The following ELMO1 variants were observed in gnomAD, a reference collection of about 807,000 sequenced individuals.
The protein encoded by ELMO1 is engulfment and cell motility protein 1.
ELMO1 carries 26 observed loss-of-function variants against 98.9 expected under a neutral mutation model. That is an observed-to-expected ratio of 0.26 (90% CI 0.19 to 0.36). ELMO1 has a LOEUF of 0.36. Among genes scored for constraint, ELMO1 ranks in the 10% least tolerant of loss-of-function variants. The pLI is 1.00. For synonymous variants in ELMO1, 346 were observed against 346.0 expected (o/e 1.00, Z 0.00); for missense variants, 627 against 935.2 (o/e 0.67, Z 4.30).
chr7:37,234,654 C>G (rs1227646097), intron 7 of ELMO1, among the ~76,000 whole-genome samples: 6 of 151,754 alleles, frequency 4.0e-5, no homozygotes, highest in Admixed American at 4.0e-4. Context: ...CTATGCTTCT[C>G]TTTCCTCATT....
intron 16 of ELMO1, among the ~76,000 whole-genome samples, chr7:37,006,953 A>G (rs1338913577): frequency 1.3e-5 from 2 of 152,032 alleles, no homozygotes; most frequent in African/African-American, 4.8e-5. Context: ...TGGAGAGGAC[A>G]TATCTTGATT....
intron 16 of ELMO1, among the ~76,000 whole-genome samples, chr7:36,953,518 T>C (rs1389795006): frequency 1.3e-5 from 2 of 152,148 alleles, no homozygotes; most frequent in Non-Finnish European, 2.9e-5. Context: ...CTGTCAAAAA[T>C]TTTGGTGCAT....
At chr7:37,096,753 G>C (rs377710148) in intron 14 of ELMO1, 26 bp from the exon 15 acceptor site, 1 of 1,587,512 alleles carries the variant, frequency 6.3e-7, no homozygotes, top group Non-Finnish European at 8.6e-7. Flanking sequence ...GAACAGATTA[G>C]AAAGGAAATT....
At chr7:37,013,705 G>A (rs1793726038) in intron 15 of ELMO1, 1 of 365,492 alleles carries the variant, frequency 2.7e-6, no homozygotes. Context: ...AGACCCTCTT[G>A]GCTTTGTTCC....
intron 13 of ELMO1, among the ~76,000 whole-genome samples, chr7:37,199,857 C>A (rs1418077383): frequency 6.6e-6 from 1 of 152,068 alleles, no homozygotes; most frequent in Non-Finnish European, 1.5e-5. Context: ...CTCTCTGCAC[C>A]CCTAGGAAGT....
chr7:36,918,909 T>C (rs1784916482), intron 16 of ELMO1, among the ~76,000 whole-genome samples: 1 of 152,068 alleles, frequency 6.6e-6, no homozygotes, highest in Non-Finnish European at 1.5e-5. Context: ...TAAGGAAAAA[T>C]ATTTTTTTTC....
At chr7:37,268,122 A>T (rs1054882711) in intron 5 of ELMO1, among the ~76,000 whole-genome samples, 1 of 152,224 alleles carries the variant, frequency 6.6e-6, no homozygotes, top group Non-Finnish European at 1.5e-5. Flanking sequence ...ACAATAGCCA[A>T]AGCTGATTTT....
intron 4 of ELMO1, among the ~76,000 whole-genome samples, chr7:37,311,408 G>GA (rs1374354601): frequency 6.6e-6 from 1 of 151,920 alleles, no homozygotes; most frequent in Non-Finnish European, 1.5e-5. Flanking sequence ...ATATATAAGG[G>GA]AAAATCAGTA....
At chr7:36,909,960 A>C (rs1233671269) in intron 16 of ELMO1, among the ~76,000 whole-genome samples, 1 of 152,194 alleles carries the variant, frequency 6.6e-6, no homozygotes, top group Non-Finnish European at 1.5e-5. Flanking sequence ...TTACAACTGA[A>C]GATCAAAAAG....
At chr7:37,253,854 A>G (rs6944921) in intron 6 of ELMO1, among the ~76,000 whole-genome samples, 48,141 of 151,964 alleles carry the variant, frequency 0.32, 7,758 homozygotes, top group Middle Eastern at 0.43. Context: ...AAATTTCCAC[A>G]GGTCCTGCTT....
chr7:36,877,943 G>T, intron 19 of ELMO1, 67 bp downstream of exon 19: 2 of 1,204,382 alleles, frequency 1.7e-6, no homozygotes, highest in Non-Finnish European at 2.5e-6. Flanking sequence ...TCTGTTGCGT[G>T]ATATATTGTG....
chr7:36,963,031 A>G (rs998102314), intron 16 of ELMO1, among the ~76,000 whole-genome samples: 1 of 152,258 alleles, frequency 6.6e-6, no homozygotes, highest in Non-Finnish European at 1.5e-5. Context: ...TGTCAACTCT[A>G]GAAGACTGGT....
At chr7:37,380,674 CAG>C (rs1162901200) in intron 1 of ELMO1, among the ~76,000 whole-genome samples, 4 of 152,238 alleles carry the variant, frequency 2.6e-5, no homozygotes, top group South Asian at 2.1e-4. Flanking sequence ...AAGGAAAATA[CAG>C]AGTTAGGTCC....
intron 15 of ELMO1, among the ~76,000 whole-genome samples, chr7:37,088,905 A>G (rs527254434): frequency 1.3e-5 from 2 of 152,248 alleles, no homozygotes; most frequent in Non-Finnish European, 2.9e-5. Context: ...AGGTTGAAAT[A>G]GAATGTAAGA....
At chr7:36,902,398 G>C (rs925791249) in intron 16 of ELMO1, among the ~76,000 whole-genome samples, 1 of 152,176 alleles carries the variant, frequency 6.6e-6, no homozygotes, top group African/African-American at 2.4e-5. Flanking sequence ...TGTCTGAAGG[G>C]GTGATGAGAC....
intron 15 of ELMO1, among the ~76,000 whole-genome samples, chr7:37,039,586 C>T (rs1795385099): frequency 6.6e-6 from 1 of 152,236 alleles, no homozygotes; most frequent in Non-Finnish European, 1.5e-5. Context: ...TATATGAGCA[C>T]ACAAACCCTT....
chr7:37,023,461 G>A (rs556503334), intron 15 of ELMO1, among the ~76,000 whole-genome samples: 2 of 152,198 alleles, frequency 1.3e-5, no homozygotes, highest in Admixed American at 6.5e-5. Flanking sequence ...TTTACTGGCT[G>A]GGTAAAAAAA....
chr7:36,957,429 TCTC>T (rs1788557909), intron 16 of ELMO1, among the ~76,000 whole-genome samples: 1 of 151,916 alleles, frequency 6.6e-6, no homozygotes, highest in African/African-American at 2.4e-5. Context: ...TGACACTTAC[TCTC>T]CACCTGGTCA....
chr7:37,044,838 G>C (rs982103510), intron 15 of ELMO1, among the ~76,000 whole-genome samples: 5 of 152,166 alleles, frequency 3.3e-5, no homozygotes, highest in African/African-American at 9.7e-5. Context: ...CCCTTCCCTA[G>C]TCTTCCCTTC....
Sources: allele counts gnomAD v4.1 joint callset (sites outside exome capture counted in the v4.1 genomes callset), GRCh38; gene constraint gnomAD v4.1.1; transcripts MANE v1.5; gene names NCBI Gene and HGNC (gene_info 2026-07-23, HGNC 2026-07-21).